The following DOCK3 variants were observed in gnomAD, a reference collection of about 807,000 sequenced individuals.
The protein encoded by DOCK3 is dedicator of cytokinesis 3.
In DOCK3, 60 loss-of-function variants were observed where a neutral mutation model predicts 265.6. The ratio of observed to expected loss-of-function variants is 0.23; its 90% CI spans 0.18 to 0.28. DOCK3 has a LOEUF of 0.28. DOCK3 is among the 10% of genes least tolerant of loss of function. DOCK3 has a pLI of 1.00. For missense variants in DOCK3, 1,981 were observed against 2,594.3 expected (o/e 0.76, Z 5.14); for synonymous variants, 881 against 938.0 (o/e 0.94, Z 1.11).
chr3:50,982,128 G>C (rs2077717008), intron 5 of DOCK3, among the ~76,000 whole-genome samples: 1 of 152,010 alleles, frequency 6.6e-6, no homozygotes, highest in Non-Finnish European at 1.5e-5. Flanking sequence ...GGATTACAGG[G>C]GTGAACCACT....
chr3:51,014,992 T>C (rs1386145210), intron 5 of DOCK3, among the ~76,000 whole-genome samples: 1 of 152,174 alleles, frequency 6.6e-6, no homozygotes, highest in Admixed American at 6.5e-5. Flanking sequence ...TGATTCAGTA[T>C]CCTCCAACTT....
At chr3:51,084,991 T>A (rs1239399372) in intron 7 of DOCK3, among the ~76,000 whole-genome samples, 2 of 152,076 alleles carry the variant, frequency 1.3e-5, no homozygotes, top group African/African-American at 4.8e-5. Flanking sequence ...GGAAAAAAAA[T>A]TCCATGCAAA....
At chr3:50,934,369 T>C (rs181422678) in intron 5 of DOCK3, among the ~76,000 whole-genome samples, 1 of 152,302 alleles carries the variant, frequency 6.6e-6, no homozygotes, top group East Asian at 1.9e-4. Context: ...ATAAAACAGA[T>C]ATTTACAGAA....
intron 4 of DOCK3, among the ~76,000 whole-genome samples, chr3:50,900,373 C>A (rs2049122802): frequency 6.6e-6 from 1 of 152,064 alleles, no homozygotes; most frequent in South Asian, 2.1e-4. Flanking sequence ...GTTAGCAATT[C>A]TTCTAACCTT....
intron 5 of DOCK3, among the ~76,000 whole-genome samples, chr3:51,047,674 C>G (rs2080830955): frequency 6.6e-6 from 1 of 152,038 alleles, no homozygotes. Context: ...AAATATACAA[C>G]TTCACGAGGC....
chr3:50,834,701 C>T (rs1171320228), intron 2 of DOCK3, among the ~76,000 whole-genome samples: 2 of 152,070 alleles, frequency 1.3e-5, no homozygotes, highest in Non-Finnish European at 2.9e-5. Flanking sequence ...AAATAGAGTT[C>T]CATGTCACTA....
intron 4 of DOCK3, among the ~76,000 whole-genome samples, chr3:50,897,719 C>T (rs1357115914): frequency 6.9e-6 from 1 of 144,516 alleles, no homozygotes; most frequent in Non-Finnish European, 1.5e-5. Context: ...ACCTTTTCTG[C>T]ATCTATTGAG....
At chr3:51,319,708 T>A (rs1209082301) in intron 32 of DOCK3, among the ~76,000 whole-genome samples, 1 of 151,896 alleles carries the variant, frequency 6.6e-6, no homozygotes, top group Non-Finnish European at 1.5e-5. Context: ...CTACTAAAAC[T>A]ACAAAAATTA....
chr3:50,787,324 T>C (rs554151260), intron 2 of DOCK3: 38 of 417,026 alleles, frequency 9.1e-5, no homozygotes, highest in South Asian at 8.7e-4. Context: ...TCACCTGAGG[T>C]CAGGAGTTCG....
At chr3:51,145,947 G>A (rs2085279872) in intron 9 of DOCK3, among the ~76,000 whole-genome samples, 1 of 152,142 alleles carries the variant, frequency 6.6e-6, no homozygotes, top group South Asian at 2.1e-4. Context: ...TTCACAATAG[G>A]GTTTGTGCGC....
At chr3:50,905,755 T>TC (rs887785617) in intron 4 of DOCK3, among the ~76,000 whole-genome samples, 1 of 152,092 alleles carries the variant, frequency 6.6e-6, no homozygotes, top group African/African-American at 2.4e-5. Flanking sequence ...GCCCTTTATT[T>TC]CTTTCTCCTG....
chr3:50,943,610 T>G (rs936249376), intron 5 of DOCK3, among the ~76,000 whole-genome samples: 2 of 152,148 alleles, frequency 1.3e-5, no homozygotes, highest in African/African-American at 4.8e-5. Context: ...TGTGAATATA[T>G]ATTATTTTAA....
chr3:51,043,657 G>C (rs1055391782), intron 5 of DOCK3, among the ~76,000 whole-genome samples: 3 of 150,936 alleles, frequency 2.0e-5, no homozygotes, highest in Non-Finnish European at 2.9e-5. Flanking sequence ...CTGCAGAATG[G>C]GAGAAAATTT....
At chr3:50,881,924 A>T (rs1358117458) in intron 3 of DOCK3, among the ~76,000 whole-genome samples, 5 of 152,174 alleles carry the variant, frequency 3.3e-5, no homozygotes, top group African/African-American at 9.7e-5. Context: ...AGAGATATAG[A>T]CCAATGGAAT....
intron 4 of DOCK3, among the ~76,000 whole-genome samples, chr3:50,895,905 C>T (rs184386045): frequency 6.6e-6 from 1 of 152,238 alleles, no homozygotes; most frequent in East Asian, 1.9e-4. Context: ...TTTTCTTTAT[C>T]AAGTCTATCA....
Position 51,333,172 on chromosome 3 carries a change from T to C in DOCK3, c.3530T>C (p.Val1177Ala). The change falls in exon 35 of 53, where the codon GTT (valine) becomes GCT (alanine). Residue 1177 changes from valine to alanine, a missense_variant. Around this residue, in one of 4 missense-constraint regions of DOCK3, gnomAD observed 1,357 missense variants for 1,866.8 expected, o/e 0.73. Transcript: ENST00000266037. ...TCCACCAATAGCCTGCTGGAGAAGG[T>C]TGAACAAGAAACATGGCGCGAGACC... ...FGPYPSLLEK[V>A]EQETWRETGI... 1 of 1,613,930 alleles carries C rather than the reference T, an allele frequency of 6.2e-7. No homozygotes were observed. The highest frequency in any genetic ancestry group is 8.5e-7 in the Non-Finnish European group (1 of 1,179,876).
At chr3:51,305,405 G>T (rs1340002822) in intron 27 of DOCK3, among the ~76,000 whole-genome samples, 2 of 151,926 alleles carry the variant, frequency 1.3e-5, no homozygotes, top group Non-Finnish European at 2.9e-5. Flanking sequence ...TATTTTCATG[G>T]TATATATTTT....
At chr3:51,161,169 G>C (rs898613084) in intron 12 of DOCK3, among the ~76,000 whole-genome samples, 3 of 151,008 alleles carry the variant, frequency 2.0e-5, no homozygotes, top group Admixed American at 2.0e-4. Context: ...GATTGGCCGG[G>C]CACGGTGGCT....
Position 51,027,889 on chromosome 3 carries a change from A to G in DOCK3, c.316-36559A>G, listed in dbSNP as rs182310828. ...TGGATCTCATTTTTTTTTTCATCCA[A>G]TTTGCCACTCTGTATCTTTTAAGTG... On this transcript the variant is annotated intron_variant, in intron 5 of 52. Coordinates refer to ENST00000266037, the MANE Select transcript of DOCK3 (RefSeq NM_004947.5). Among the ~76,000 whole-genome samples the G allele has an allele frequency of 1.9e-4, 28 of 150,712 alleles. 1 individual carries two copies. In the East Asian group the frequency reaches 3.9e-3, roughly 21 times the overall value.
Sources: gnomAD v4.1 joint callset for allele counts (sites outside exome capture counted in the v4.1 genomes callset) on GRCh38, gnomAD v4.1.1 for gene constraint, gnomAD v4.1.1 regional missense constraint, MANE v1.5 for transcripts, NCBI Gene and HGNC (gene_info 2026-07-23, HGNC 2026-07-21) for gene names.